The following EPHA6 variants were observed in gnomAD, a reference collection of about 807,000 sequenced individuals.
EPHA6 encodes the protein EPH receptor A6.
In EPHA6, 50 loss-of-function variants were observed where a neutral mutation model predicts 112.0. That is an observed-to-expected ratio of 0.45 (90% CI 0.36 to 0.56). The LOEUF (loss-of-function observed/expected upper bound fraction) is 0.56. Among genes scored for constraint, EPHA6 ranks in the 20% least tolerant of loss-of-function variants. The pLI, the probability that EPHA6 is intolerant of heterozygous loss-of-function variation, is 0.00. For synonymous variants in EPHA6, 529 were observed against 490.7 expected, an observed-to-expected ratio of 1.08 and a Z score of -1.03; for missense variants, 1,280 against 1,417.4, an observed-to-expected ratio of 0.90 and a Z score of 1.56.
chr3:97,092,824 C>A (rs2047114914), intron 3 of EPHA6, among the ~76,000 whole-genome samples: 1 of 151,290 alleles, frequency 6.6e-6, no homozygotes, highest in South Asian at 2.1e-4. Flanking sequence ...TATTTATTGG[C>A]TGTTTTAGTT....
intron 5 of EPHA6, among the ~76,000 whole-genome samples, chr3:97,379,776 A>T (rs986010082): frequency 6.7e-6 from 1 of 149,176 alleles, no homozygotes; most frequent in African/African-American, 2.5e-5. Context: ...AAAAAAAAAA[A>T]ATTAGAAAGG....
chr3:97,584,608 A>G (rs1043069258), intron 11 of EPHA6, among the ~76,000 whole-genome samples: 5 of 152,282 alleles, frequency 3.3e-5, no homozygotes, highest in South Asian at 2.1e-4. Context: ...TATAATACCT[A>G]AAATTATATG....
At chr3:96,938,912 T>A (rs1055398658) in intron 2 of EPHA6, among the ~76,000 whole-genome samples, 3 of 152,350 alleles carry the variant, frequency 2.0e-5, no homozygotes, top group African/African-American at 7.2e-5. Context: ...TTACATTTAT[T>A]GATTTGTATG....
chr3:97,242,923 C>T (rs975084459), intron 4 of EPHA6, among the ~76,000 whole-genome samples: 5 of 151,610 alleles, frequency 3.3e-5, no homozygotes, highest in South Asian at 2.1e-4. Flanking sequence ...TCACAGCATA[C>T]GGATTCTGTG....
intron 1 of EPHA6, among the ~76,000 whole-genome samples, chr3:96,858,367 G>A (rs1339050178): frequency 1.3e-5 from 2 of 152,062 alleles, no homozygotes; most frequent in Non-Finnish European, 2.9e-5. Context: ...ACTTGACCAA[G>A]CATACAGTAT....
At chr3:97,001,474 T>C (rs186178690) in intron 3 of EPHA6, among the ~76,000 whole-genome samples, 1 of 152,056 alleles carries the variant, frequency 6.6e-6, no homozygotes, top group Non-Finnish European at 1.5e-5. Context: ...CATGTGGCCT[T>C]TTTAGGAAAT....
intron 1 of EPHA6, among the ~76,000 whole-genome samples, chr3:96,845,688 G>T (rs1342773108): frequency 6.6e-6 from 1 of 151,918 alleles, no homozygotes; most frequent in African/African-American, 2.4e-5. Context: ...TTTGATTGCT[G>T]AAAGAGGGGA....
At chr3:97,628,247 G>A (rs192736307) in intron 13 of EPHA6, among the ~76,000 whole-genome samples, 95 of 152,048 alleles carry the variant, frequency 6.2e-4, no homozygotes, top group African/African-American at 2.1e-3. Context: ...TATGTTAAAA[G>A]TACAGCCAAT....
chr3:96,907,482 A>G (rs2038996610), intron 2 of EPHA6, among the ~76,000 whole-genome samples: 2 of 124,660 alleles, frequency 1.6e-5, no homozygotes, highest in African/African-American at 3.0e-5. Context: ...AAAAAAATTC[A>G]TTTTGATATT....
intron 13 of EPHA6, among the ~76,000 whole-genome samples, chr3:97,612,878 A>C (rs1307382430): frequency 6.6e-6 from 1 of 152,058 alleles, no homozygotes; most frequent in South Asian, 2.1e-4. Context: ...ATAGTGCCTG[A>C]CATATTGCAG....
At chr3:97,485,808 T>A (rs1041581378) in intron 10 of EPHA6, among the ~76,000 whole-genome samples, 4 of 152,216 alleles carry the variant, frequency 2.6e-5, no homozygotes, top group Non-Finnish European at 4.4e-5. Context: ...CACACGATGT[T>A]TGGCTTTCTT....
rs111618968 is a variant in EPHA6 at position 97,511,308 on chromosome 3, G to A, written c.2201-21050G>A. 1.9e-3 allele frequency among the ~76,000 whole-genome samples: 297 copies of A among 152,314 alleles called. 1 individual carries two copies. The highest frequency in any genetic ancestry group is 6.6e-3 in the African/African-American group (274 of 41,570). ...GTGCTTGAAATCCAGGGCTCTGGTG[G>A]TGTATGCACCCAAGGGAATCTCCTG... On this transcript the variant is annotated intron_variant, in intron 10 of 17. Coordinates refer to ENST00000389672, the MANE Select transcript of EPHA6 (RefSeq NM_001080448.3).
intron 16 of EPHA6, among the ~76,000 whole-genome samples, chr3:97,740,962 G>A (rs1906065): frequency 0.98 from 149,425 of 152,264 alleles, 73,342 homozygotes; most frequent in East Asian, 0.99. Context: ...GCCAAAACCA[G>A]TGTTGAAATT....
chr3:96,825,079 T>C (rs906295591), intron 1 of EPHA6, among the ~76,000 whole-genome samples: 7 of 151,942 alleles, frequency 4.6e-5, no homozygotes, highest in Non-Finnish European at 1.0e-4. Context: ...TTTATCATCA[T>C]GAATATATGA....
At chr3:97,624,555 A>G (rs1280451451) in intron 13 of EPHA6, among the ~76,000 whole-genome samples, 1 of 151,430 alleles carries the variant, frequency 6.6e-6, no homozygotes, top group African/African-American at 2.4e-5. Context: ...TATCAAGGTA[A>G]TGTTCATGGA....
intron 3 of EPHA6, among the ~76,000 whole-genome samples, chr3:97,011,570 T>C (rs2044086499): frequency 6.6e-6 from 1 of 152,232 alleles, no homozygotes; most frequent in Admixed American, 6.5e-5. Flanking sequence ...TACCAGCTAA[T>C]TCTCTCATTT....
chr3:96,951,837 A>G (rs1041425464), intron 2 of EPHA6, among the ~76,000 whole-genome samples: 1 of 152,166 alleles, frequency 6.6e-6, no homozygotes, highest in African/African-American at 2.4e-5. Flanking sequence ...CAAACTGAAT[A>G]TCTTAGGTCA....
At position 97,332,345 on chromosome 3, in the gene EPHA6, C is replaced by G. The variant is rs371175226; in HGVS notation, c.1607-72805C>G. 3.4e-3 allele frequency among the ~76,000 whole-genome samples: 515 copies of G among 151,992 alleles called. 5 individuals are homozygous for G. The highest frequency in any genetic ancestry group is 0.011 in the African/African-American group (472 of 41,472). ...TGGAAGCATTCCCTTTGAAAACTGG[C>G]ACAAGACAGGGATGCCCTCTCTCAC... is the stretch of plus-strand genomic sequence containing the variant. On this transcript the variant is annotated intron_variant, in intron 5 of 17. Transcript: ENST00000389672.
intron 2 of EPHA6, among the ~76,000 whole-genome samples, chr3:96,883,520 T>G (rs576872865): frequency 4.6e-5 from 7 of 152,348 alleles, no homozygotes; most frequent in African/African-American, 1.7e-4. Context: ...TTTTCCAATG[T>G]TATCTTCTAG....
Sources: gnomAD v4.1 joint callset for allele counts (sites outside exome capture counted in the v4.1 genomes callset) on GRCh38, gnomAD v4.1.1 for gene constraint, MANE v1.5 for transcripts, NCBI Gene and HGNC (gene_info 2026-07-23, HGNC 2026-07-21) for gene names.